SHROOM2: variants seen among roughly 807,000 people sequenced by gnomAD.
SHROOM2 encodes the protein protein Shroom2.
SHROOM2 carries 33 observed loss-of-function variants against 75.9 expected under a neutral mutation model. The observed-to-expected ratio is 0.43, with a 90% confidence interval of 0.33 to 0.58. SHROOM2 has a LOEUF of 0.58. SHROOM2 is among the 20% of genes least tolerant of loss of function. The pLI is 0.04. For synonymous variants in SHROOM2, 655 were observed against 663.6 expected (o/e 0.99, Z 0.20); for missense variants, 1,434 against 1,461.2 (o/e 0.98, Z 0.30).
At chrX:9,815,029 A>G (rs778590889) in intron 1 of SHROOM2, among the ~76,000 whole-genome samples, 3 of 111,467 alleles carry the variant, frequency 2.7e-5, no homozygotes, top group Non-Finnish European at 5.6e-5. Context: ...GGGAGACAGA[A>G]TCCCCAAGTT....
At chrX:9,872,529 A>G (rs1324192787) in intron 1 of SHROOM2, among the ~76,000 whole-genome samples, 1 of 111,626 alleles carries the variant, frequency 9.0e-6, no homozygotes, top group East Asian at 2.8e-4. Flanking sequence ...GCACCACTGC[A>G]CTGCAGCCTG....
intron 2 of SHROOM2, 68 bp from the exon 3 acceptor site, chrX:9,890,909 C>T (rs2084287511): frequency 9.0e-7 from 1 of 1,108,243 alleles, no homozygotes; most frequent in African/African-American, 1.8e-5. Flanking sequence ...GCCCCCTGCA[C>T]TGTTTGGCAC....
chrX:9,894,456 A>G lies in SHROOM2; in HGVS notation c.548A>G (p.His183Arg). Residue 183 changes from histidine to arginine, a missense_variant, in exon 4 of 10, where the codon CAC becomes CGC. Coordinates refer to ENST00000380913, the MANE Select transcript of SHROOM2 (RefSeq NM_001649.4). ...SSLGSVDSLD[H>R]PSSRLSVAKS... Reference sequence around the variant, plus strand: ...TTGGGGAGCGTTGACAGCCTGGACCACCCCTCCAGTCGCCTCTCGGTGGCC... The same window carrying G: ...TTGGGGAGCGTTGACAGCCTGGACCGCCCCTCCAGTCGCCTCTCGGTGGCC... 1 of 1,202,360 alleles carries G rather than the reference A, an allele frequency of 8.3e-7. No individual in the cohort carries two copies. The highest frequency in any genetic ancestry group is 1.1e-6 in the Non-Finnish European group (1 of 893,034).
chrX:9,873,411 T>G lies in SHROOM2; in HGVS notation c.166-241T>G, dbSNP rs1308208984. 1.8e-5 allele frequency among the ~76,000 whole-genome samples: 2 copies of G among 112,346 alleles called. 1 individual carries two copies. Among genetic ancestry groups the G allele is most frequent in the Admixed American group, 1.9e-4 (2 of 10,626 alleles). On this transcript the variant is annotated intron_variant, in intron 1 of 9. Coordinates refer to ENST00000380913, the MANE Select transcript of SHROOM2 (RefSeq NM_001649.4). Reference sequence around the variant, plus strand: ...AATGAATCAGTATCTTCAGGTCCCCTGTTTTCCATTGTGTGTGTTCTCAAG... The same window carrying G: ...AATGAATCAGTATCTTCAGGTCCCCGGTTTTCCATTGTGTGTGTTCTCAAG...
At chrX:9,936,457 T>C (rs2084707408) in intron 6 of SHROOM2, among the ~76,000 whole-genome samples, 2 of 111,658 alleles carry the variant, frequency 1.8e-5, no homozygotes, top group Non-Finnish European at 3.8e-5. Flanking sequence ...TTGGAAGTAA[T>C]ACAGAACCGA....
chrX:9,818,599 TTTG>T, intron 1 of SHROOM2: 1 of 314,918 alleles, frequency 3.2e-6, no homozygotes. Context: ...ATTGAGCTTT[TTTG>T]TTGTTGTGAC....
chrX:9,895,353 A>G lies in SHROOM2; in HGVS notation c.1445A>G (p.Gln482Arg). 4.2e-6 allele frequency: 5 copies of G among 1,183,866 alleles called. No homozygotes were observed. The highest frequency in any genetic ancestry group is 3.0e-5 in the East Asian group (1 of 33,517). Residue 482 changes from glutamine (Q) to arginine (R), a missense_variant, in exon 4 of 10, where the codon CAG becomes CGG. By Grantham distance (43) the Gln-to-Arg change is conservative. Transcript: ENST00000380913. ...SGWQGPRPCV[Q>R]GDLQAAQLWA... Reference sequence around the variant, plus strand: ...TGGCAGGGTCCCCGGCCCTGTGTGCAGGGAGACCTGCAAGCAGCACAGCTC... The same window carrying G: ...TGGCAGGGTCCCCGGCCCTGTGTGCGGGGAGACCTGCAAGCAGCACAGCTC...
In SHROOM2 at chrX:9,930,689, C is replaced by T. The variant is rs192556356; in HGVS notation, c.2892-1486C>T. On this transcript the variant is annotated intron_variant, in intron 5 of 9. Coordinates refer to ENST00000380913, the MANE Select transcript of SHROOM2 (RefSeq NM_001649.4). Reference sequence around the variant, plus strand: ...TTAATGTCATTCTGTGTTTTATAACCAGACAAATGTATTGTTCTCTAACCC... The same window carrying T: ...TTAATGTCATTCTGTGTTTTATAACTAGACAAATGTATTGTTCTCTAACCC... 6.3e-5 allele frequency among the ~76,000 whole-genome samples: 7 copies of T among 111,225 alleles called. No homozygotes were observed. In the East Asian group the frequency reaches 2.0e-3, roughly 31 times the overall value.
intron 1 of SHROOM2, among the ~76,000 whole-genome samples, chrX:9,849,637 A>G (rs2084027677): frequency 9.0e-6 from 1 of 111,490 alleles, no homozygotes; most frequent in Non-Finnish European, 1.9e-5. Context: ...ACCTTTTGCC[A>G]TCAATGTAGG....
At chrX:9,921,172 A>C (rs953420440) in intron 5 of SHROOM2, among the ~76,000 whole-genome samples, 1 of 111,573 alleles carries the variant, frequency 9.0e-6, no homozygotes, top group Non-Finnish European at 1.9e-5. Context: ...TGTCCTCACA[A>C]CATGGTTGTT....
chrX:9,809,552 A>G (rs769586125), intron 1 of SHROOM2, among the ~76,000 whole-genome samples: 7 of 112,634 alleles, frequency 6.2e-5, no homozygotes, highest in Non-Finnish European at 1.1e-4. Flanking sequence ...AGTAAAGACA[A>G]TGGTAAGGTC....
At position 9,851,446 on chromosome X, in the gene SHROOM2, C is replaced by CTTTTTTTTT. The variant is rs746715538; in HGVS notation, c.166-22202_166-22194dup. ...TAACAATGTTTCAACCAGGATATTG[C>CTTTTTTTTT]TTTTTTTTTTTTCTTTTTTTTTTGG... On this transcript the variant is annotated intron_variant, in intron 1 of 9. Coordinates refer to ENST00000380913, the MANE Select transcript of SHROOM2 (RefSeq NM_001649.4). Among the ~76,000 whole-genome samples, 20 of 63,176 alleles carry CTTTTTTTTT rather than the reference C, an allele frequency of 3.2e-4. 2 individuals are homozygous for CTTTTTTTTT. Among genetic ancestry groups the CTTTTTTTTT allele is most frequent in the East Asian group, 7.2e-4 (1 of 1,388 alleles). The allele number at this position is 63,176 out of a possible 115,157, so 54.9% of individuals were successfully genotyped here.
chrX:9,822,695 G>C (rs924105821), intron 1 of SHROOM2, among the ~76,000 whole-genome samples: 2 of 112,660 alleles, frequency 1.8e-5, no homozygotes, highest in Non-Finnish European at 3.8e-5. Context: ...GTGCCACGCA[G>C]GTGGCAGCTC....
chrX:9,908,179 A>G (rs1298295884), intron 5 of SHROOM2, among the ~76,000 whole-genome samples: 1 of 112,853 alleles, frequency 8.9e-6, no homozygotes, highest in Non-Finnish European at 1.9e-5. Context: ...TCACAGCCCA[A>G]GAATGCAGGA....
chrX:9,911,688 C>G (rs952500318), intron 5 of SHROOM2, among the ~76,000 whole-genome samples: 1 of 111,555 alleles, frequency 9.0e-6, no homozygotes, highest in Non-Finnish European at 1.9e-5. Context: ...GTCCAGCCTG[C>G]CTTTGTCTTC....
At chrX:9,927,208 G>T (rs1010744054) in intron 5 of SHROOM2, among the ~76,000 whole-genome samples, 4 of 108,701 alleles carry the variant, frequency 3.7e-5, no homozygotes, top group African/African-American at 1.3e-4. Context: ...AACTAGCCAG[G>T]CCATAGTGGC....
At chrX:9,916,910 G>A (rs746670097) in intron 5 of SHROOM2, among the ~76,000 whole-genome samples, 21 of 111,747 alleles carry the variant, frequency 1.9e-4, no homozygotes, top group Admixed American at 1.6e-3. Flanking sequence ...GAATTTTAGC[G>A]TTGTCGCCCT....
At chrX:9,902,884 C>T (rs1165976438) in intron 5 of SHROOM2, among the ~76,000 whole-genome samples, 2 of 111,643 alleles carry the variant, frequency 1.8e-5, no homozygotes, top group Non-Finnish European at 3.8e-5. Flanking sequence ...CACTGCCAAG[C>T]ACTGATGAGC....
At chrX:9,802,587 G>A (rs2083729295) in intron 1 of SHROOM2, among the ~76,000 whole-genome samples, 1 of 111,786 alleles carries the variant, frequency 8.9e-6, no homozygotes, top group South Asian at 3.8e-4. Context: ...CATTGGTCTT[G>A]CAGCATCCTC....
Sources: allele counts gnomAD v4.1 joint callset (sites outside exome capture counted in the v4.1 genomes callset), GRCh38; gene constraint gnomAD v4.1.1; transcripts MANE v1.5; gene names NCBI Gene and HGNC (gene_info 2026-07-23, HGNC 2026-07-21).